Variants in LINGO2 observed in about 807,000 individuals in gnomAD.
LINGO2 encodes leucine-rich repeat and immunoglobulin-like domain-containing nogo receptor-interacting protein 2.
Under a neutral mutation model 30.6 loss-of-function variants are expected in LINGO2, and 14 were observed. That is an observed-to-expected ratio of 0.46 (90% CI 0.30 to 0.72). The LOEUF (loss-of-function observed/expected upper bound fraction) is 0.72. Among genes scored for constraint, LINGO2 ranks in the 30% least tolerant of loss-of-function variants. LINGO2 has a pLI of 0.07. For synonymous variants in LINGO2, 317 were observed against 288.5 expected (o/e 1.10, Z -1.00); for missense variants, 729 against 751.7 (o/e 0.97, Z 0.35).
chr9:28,873,392 A>G, the LINGO2 span, among the ~76,000 whole-genome samples: 23,522 of 116,228 alleles, frequency 0.2, 1,842 homozygotes, highest in East Asian at 0.35. Context: ...AAAAAAAAAG[A>G]AAAAAAAAAA....
rs3069833 is a variant in LINGO2, at chr9:28,397,355, G to GTATATA, written c.-278-24493_-278-24488dup. On this transcript the variant is annotated intron_variant, in intron 2 of 5. Coordinates refer to ENST00000379992, the Ensembl canonical transcript of LINGO2. ...ATTGTGTATGACATGATGTTTTGAA[G>GTATATA]TATATATATATATATATACATATAT... 3.2e-3 allele frequency among the ~76,000 whole-genome samples: 417 copies of GTATATA among 129,130 alleles called. 1 individual carries two copies. Among genetic ancestry groups the GTATATA allele is most frequent in the Middle Eastern group, 0.023 (6 of 258 alleles). The allele number at this position is 129,130 out of a possible 152,430, so 84.7% of individuals were successfully genotyped here. A position where few individuals can be genotyped will look rare whatever the true frequency, so the allele number is the denominator to read the frequency against.
At chr9:28,972,424 C>T in the LINGO2 span, among the ~76,000 whole-genome samples, 1 of 152,082 alleles carries the variant, frequency 6.6e-6, no homozygotes, top group African/African-American at 2.4e-5. Context: ...AGAAGGAATT[C>T]AGAATTCTAT....
chr9:28,073,374 C>T (rs1825536441), intron 4 of LINGO2, among the ~76,000 whole-genome samples: 1 of 152,102 alleles, frequency 6.6e-6, no homozygotes, highest in Non-Finnish European at 1.5e-5. Flanking sequence ...CATGAAGGAG[C>T]TTCATAAACT....
At chr9:28,864,019 G>C in the LINGO2 span, among the ~76,000 whole-genome samples, 1 of 152,168 alleles carries the variant, frequency 6.6e-6, no homozygotes, top group Middle Eastern at 3.4e-3. Flanking sequence ...AAAGGGCATG[G>C]TTATTAATAT....
the LINGO2 span, among the ~76,000 whole-genome samples, chr9:29,014,475 G>T: frequency 6.6e-6 from 1 of 152,044 alleles, no homozygotes; most frequent in Non-Finnish European, 1.5e-5. Context: ...AACACTTTTA[G>T]ATGTATCAAC....
intron 2 of LINGO2, among the ~76,000 whole-genome samples, chr9:28,419,817 T>C (rs532953209): frequency 2.6e-4 from 40 of 152,088 alleles, no homozygotes; most frequent in African/African-American, 9.1e-4. Flanking sequence ...ATTTTATCGG[T>C]AAATATAAAT....
chr9:28,305,316 C>A (rs1012983923), intron 3 of LINGO2, among the ~76,000 whole-genome samples: 7 of 151,944 alleles, frequency 4.6e-5, no homozygotes, highest in Non-Finnish European at 1.0e-4. Context: ...CAGGAAAAGG[C>A]AAGGATGTCA....
intron 3 of LINGO2, among the ~76,000 whole-genome samples, chr9:28,362,277 TGAGA>T (rs148560086): frequency 9.3e-5 from 14 of 151,222 alleles, no homozygotes; most frequent in East Asian, 3.9e-4. Flanking sequence ...TGTGCGTGTT[TGAGA>T]GAGAGAGAGA....
At chr9:28,707,002 G>T in the LINGO2 span, among the ~76,000 whole-genome samples, 2 of 151,870 alleles carry the variant, frequency 1.3e-5, no homozygotes, top group African/African-American at 4.8e-5. Context: ...CCCTACTCCT[G>T]GACTACATGT....
the LINGO2 span, among the ~76,000 whole-genome samples, chr9:28,970,599 C>T: frequency 4.6e-5 from 7 of 152,200 alleles, no homozygotes; most frequent in African/African-American, 1.2e-4. Context: ...AGTTATGAGG[C>T]ATTGAACTCT....
At chr9:28,695,501 G>A in the LINGO2 span, among the ~76,000 whole-genome samples, 178 of 151,894 alleles carry the variant, frequency 1.2e-3, 1 homozygote, top group Middle Eastern at 0.01. Context: ...TCTTAAAGAA[G>A]TACATAAATG....
intron 4 of LINGO2, among the ~76,000 whole-genome samples, chr9:28,047,059 C>T (rs1356814935): frequency 6.6e-6 from 1 of 152,074 alleles, no homozygotes; most frequent in Admixed American, 6.5e-5. Context: ...TTGTAGGGAA[C>T]CCAAACAATC....
At chr9:28,149,635 T>C (rs1205886250) in intron 4 of LINGO2, among the ~76,000 whole-genome samples, 1 of 150,464 alleles carries the variant, frequency 6.6e-6, no homozygotes, top group Admixed American at 6.6e-5. Context: ...TGCCATCCTG[T>C]CTGCAAAGTG....
intron 1 of LINGO2, among the ~76,000 whole-genome samples, chr9:28,496,950 T>C (rs892224605): frequency 9.2e-5 from 14 of 152,326 alleles, no homozygotes; most frequent in African/African-American, 3.4e-4. Flanking sequence ...AATTCTGGGT[T>C]GAAAATTCTT....
rs1279332424 is a variant in LINGO2, at chr9:28,419,105, T to G, written c.-278-46237A>C. Among the ~76,000 whole-genome samples the G allele has an allele frequency of 2.0e-5, 3 of 151,984 alleles. No homozygotes were observed. The East Asian group carries it at 5.8e-4, about 29-fold the overall frequency. On this transcript the variant is annotated intron_variant, in intron 2 of 5. Transcript: ENST00000379992. Reference sequence around the variant, plus strand: ...AACTGCAGAATTAATATGTCATATATTTTTTTCTCCTTTGTAGTCTTTTAT... The same window carrying G: ...AACTGCAGAATTAATATGTCATATAGTTTTTTCTCCTTTGTAGTCTTTTAT...
chr9:29,102,107 A>C, the LINGO2 span, among the ~76,000 whole-genome samples: 1 of 148,966 alleles, frequency 6.7e-6, no homozygotes. Context: ...TTCGAGACCC[A>C]GTCTCGCTCT....
chr9:28,174,942 G>C lies in LINGO2; in HGVS notation c.-87+120266C>G, dbSNP rs542269208. 2.0e-5 allele frequency among the ~76,000 whole-genome samples: 3 copies of C among 151,902 alleles called. No homozygotes were observed. In the South Asian group the frequency reaches 6.3e-4, roughly 32 times the overall value. On this transcript the variant is annotated intron_variant, in intron 4 of 5. Transcript: ENST00000379992. Reference sequence around the variant, plus strand: ...TGTGTGAGAGAGAGAGAGAGAGAGAGAGAGAGACAGACAGAGAGAAAGAGA... The same window carrying C: ...TGTGTGAGAGAGAGAGAGAGAGAGACAGAGAGACAGACAGAGAGAAAGAGA...
intron 3 of LINGO2, among the ~76,000 whole-genome samples, chr9:28,323,018 G>C (rs1825104413): frequency 6.6e-6 from 1 of 151,988 alleles, no homozygotes; most frequent in Non-Finnish European, 1.5e-5. Flanking sequence ...TATTCTAATT[G>C]TGCCCAGAAG....
intron 1 of LINGO2, among the ~76,000 whole-genome samples, chr9:28,663,917 AATT>A (rs72410899): frequency 0.36 from 54,011 of 151,494 alleles, 10,798 homozygotes; most frequent in African/African-American, 0.53. Context: ...ATTATATATG[AATT>A]ATTATACCTA....
Sources: gnomAD v4.1 joint callset for allele counts (sites outside exome capture counted in the v4.1 genomes callset) on GRCh38, gnomAD v4.1.1 for gene constraint, MANE v1.5 for transcripts, NCBI Gene and HGNC (gene_info 2026-07-23, HGNC 2026-07-21) for gene names.